Variants in JAG2 observed in about 807,000 individuals in gnomAD.
JAG2 encodes the protein protein jagged-2.
Under a neutral mutation model 141.7 loss-of-function variants are expected in JAG2, and 46 were observed. The ratio of observed to expected loss-of-function variants is 0.32; its 90% CI spans 0.26 to 0.42. JAG2 has a LOEUF of 0.42. JAG2 is among the 10% of genes least tolerant of loss of function. The pLI is 1.00. For missense variants in JAG2, 1,500 were observed against 1,817.5 expected, an observed-to-expected ratio of 0.83 and a Z score of 3.18; for synonymous variants, 862 against 763.5, an observed-to-expected ratio of 1.13 and a Z score of -2.13.
chr14:105,166,769 G>A (rs1341251016), intron 2 of JAG2, among the ~76,000 whole-genome samples: 1 of 152,198 alleles, frequency 6.6e-6, no homozygotes, highest in African/African-American at 2.4e-5. Flanking sequence ...ACACTCCGGT[G>A]CCTCCTGCTG....
chr14:105,146,664 T>C lies in JAG2; in HGVS notation c.2540A>G (p.Asn847Ser), dbSNP rs1888235061. Residue 847 changes from asparagine to serine, a missense_variant, in exon 21 of 26, where the codon AAC (asparagine) becomes AGC (serine). Coordinates refer to ENST00000331782, the MANE Select transcript of JAG2 (RefSeq NM_002226.5). ...GGGTGGGCAGCTACAGCGATACCCG[T>C]TGATCTCATCCACACACGTGGCCCC... is the stretch of plus-strand genomic sequence containing the variant. ...AYGATCVDEI[N>S]GYRCSCPPGR... The C allele has an allele frequency of 1.2e-6, 2 of 1,612,652 alleles. No homozygotes were observed. The highest frequency in any genetic ancestry group is 1.7e-6 in the Non-Finnish European group (2 of 1,179,874).
intron 2 of JAG2, 104 bp from the exon 3 acceptor site, chr14:105,157,867 G>A: frequency 9.3e-7 from 1 of 1,071,846 alleles, no homozygotes; most frequent in South Asian, 1.3e-5. Flanking sequence ...GGGTCTGCCA[G>A]GCTCTGGCCC....
intron 2 of JAG2, 30 bp from the exon 3 acceptor site, chr14:105,157,793 C>A: frequency 6.4e-7 from 1 of 1,550,932 alleles, no homozygotes; most frequent in South Asian, 1.2e-5. Context: ...GGTCAGGTAC[C>A]TGAGGCCACA....
In JAG2 at chr14:105,146,100, C is replaced by T. The variant is rs1888215106; in HGVS notation, c.2710-127G>A. 1.5e-5 allele frequency: 22 copies of T among 1,444,752 alleles called. No homozygotes were observed. In the South Asian group the frequency reaches 2.2e-4, roughly 15 times the overall value. The allele number at this position is 1,444,752 out of a possible 1,614,324, so 89.5% of individuals were successfully genotyped here. ...GAGGGACACCGCCCAAGTCTGTGAG[C>T]CCCAGGGCCCAGCCCACCCCCTACC... On this transcript the variant is annotated intron_variant, in intron 22 of 25. Coordinates refer to ENST00000331782, the MANE Select transcript of JAG2 (RefSeq NM_002226.5).
rs755972228 is a variant in JAG2, at chr14:105,146,641, G to A, written c.2563C>T (p.Pro855Ser). 1.2e-5 allele frequency: 20 copies of A among 1,612,668 alleles called. No individual in the cohort carries two copies. Among genetic ancestry groups the A allele is most frequent in the Admixed American group, 8.3e-5 (5 of 60,026 alleles). ...EINGYRCSCP[P>S]GRAGPRCQEV... ...TGGCACCGGGGGCCGGCTCGGCCGG[G>A]TGGGCAGCTACAGCGATACCCGTTG... Residue 855 changes from proline to serine, a missense_variant, in exon 21 of 26, where the codon CCC (proline) becomes TCC (serine). Around this residue, in one of 3 missense-constraint regions of JAG2, gnomAD observed 875 missense variants for 1,202.2 expected, o/e 0.73. Coordinates refer to ENST00000331782, the MANE Select transcript of JAG2 (RefSeq NM_002226.5).
intron 17 of JAG2, 45 bp downstream of exon 17, chr14:105,148,071 G>T (rs1169851774): frequency 5.5e-6 from 8 of 1,460,392 alleles, no homozygotes; most frequent in Admixed American, 2.0e-5. Context: ...CGGTGCCTGG[G>T]AGGGCATATG....
Position 105,167,865 on chromosome 14 carries a change from G to A in JAG2, c.309C>T (p.Phe103=), listed in dbSNP as rs2141000159. ...GATPVLGGNS[F]YLPPAGAAGD... The stretch of plus-strand genomic sequence containing the variant: ...CCGCAGCGCCCGCCGGCGGCAGGTA[G>A]AAGGAGTTGCCGCCCAGCACGGGCG... Residue 103 remains phenylalanine (F), a synonymous_variant, in exon 2 of 26, where the codon TTC becomes TTT. Coordinates refer to ENST00000331782, the MANE Select transcript of JAG2 (RefSeq NM_002226.5). The surrounding 1 kb of genome is among the most constrained non-coding windows in gnomAD (Gnocchi z 4.8). 1 of 1,560,686 alleles carries A rather than the reference G, an allele frequency of 6.4e-7. No homozygotes were observed. Among genetic ancestry groups the A allele is most frequent in the Non-Finnish European group, 8.6e-7 (1 of 1,161,314 alleles).
In JAG2 at chr14:105,150,893, C is replaced by A. The variant is rs757195573; in HGVS notation, c.1400G>T (p.Gly467Val). The change falls in exon 11 of 26, where the codon GGG (glycine) becomes GTG (valine). Residue 467 changes from glycine (G) to valine (V), a missense_variant. Around this residue, in one of 3 missense-constraint regions of JAG2, gnomAD observed 875 missense variants for 1,202.2 expected, o/e 0.73. Transcript: ENST00000331782. ...GCAGGTGCCCCCATGCTGACACTGC[C>A]CGCGACAGTCGTTGACGTCTGGGGG... ...NCHINVNDCRGQCQHGGTCKD... is the reference protein window; with the variant it reads ...NCHINVNDCRVQCQHGGTCKD... 2 of 1,590,978 alleles carry A rather than the reference C, an allele frequency of 1.3e-6. No homozygotes were observed. The highest frequency in any genetic ancestry group is 1.7e-6 in the Non-Finnish European group (2 of 1,169,368).
In JAG2 at chr14:105,150,540, G is replaced by A. The variant is rs1595178074; in HGVS notation, c.1602+64C>T. 4.1e-6 allele frequency: 6 copies of A among 1,470,136 alleles called. 1 individual carries two copies. The African/African-American group carries it at 7.0e-5, about 17-fold the overall frequency. 91.1% of individuals were successfully genotyped at this position (1,470,136 alleles called of 1,614,324 possible). A position where few individuals can be genotyped will look rare whatever the true frequency, so the allele number is the denominator to read the frequency against. ...GGGTCACTCAGGCCCCATGGTCAGG[G>A]GACGAGGCCTGCCCTACAGCTCCCA... is the stretch of plus-strand genomic sequence containing the variant. On this transcript the variant is annotated intron_variant, in intron 12 of 25. Transcript: ENST00000331782.
Position 105,148,821 on chromosome 14 carries a change from C to A in JAG2, c.1944G>T (p.Gly648=). ...CGTCCACCTCATCGATGCATGTGCC[C>A]CCATTGCGGCAGGGCTGGCCCAGGC... ...DDCLGQPCRN[G]GTCIDEVDAF... The change falls in exon 15 of 26, where the codon GGG becomes GGT. Residue 648 remains glycine, a synonymous_variant. Transcript: ENST00000331782. The A allele has an allele frequency of 6.3e-7, 1 of 1,598,568 alleles. No homozygotes were observed.
At chr14:105,158,985 C>T (rs1220863693) in intron 2 of JAG2, among the ~76,000 whole-genome samples, 1 of 151,996 alleles carries the variant, frequency 6.6e-6, no homozygotes, top group African/African-American at 2.4e-5. Flanking sequence ...GCCCACCCCA[C>T]GCACGTCCCA....
chr14:105,142,851 C>T lies in JAG2; in HGVS notation c.3561G>A (p.Glu1187=). Residue 1187 remains glutamate, a synonymous_variant, in exon 26 of 26, where the codon GAG becomes GAA. Coordinates refer to ENST00000331782, the MANE Select transcript of JAG2 (RefSeq NM_002226.5). ...DEEDEDLGRG[E]EDSLEAEKFL... ...ACTTCTCCGCCTCCAGGGAGTCCTC[C>T]TCACCGCGGCCCAGATCCTCGTCCT... The T allele has an allele frequency of 6.2e-7, 1 of 1,608,916 alleles. No homozygotes were observed. Among genetic ancestry groups the T allele is most frequent in the Non-Finnish European group, 8.5e-7 (1 of 1,178,150 alleles).
chr14:105,145,208 G>A (rs1888187377), intron 23 of JAG2, 147 bp from the exon 24 acceptor site: 3 of 1,126,654 alleles, frequency 2.7e-6, no homozygotes, highest in African/African-American at 3.0e-5. Flanking sequence ...TGGGGGGGCA[G>A]CTTCCCACCC....
At position 105,154,366 on chromosome 14, in the gene JAG2, T is replaced by C. The variant is rs1465915094; in HGVS notation, c.788+1196A>G. ...CTCTCCACCCGCTCGCGCCCCTCTC[T>C]CGGGCTCCCCAGCTTGCTCACGCAC... On this transcript the variant is annotated intron_variant, in intron 5 of 25. Transcript: ENST00000331782. The surrounding 1 kb of genome is among the most constrained non-coding windows in gnomAD (Gnocchi z 4.4). Among the ~76,000 whole-genome samples, 1 of 151,980 alleles carries C rather than the reference T, an allele frequency of 6.6e-6. No individual in the cohort carries two copies. Among genetic ancestry groups the C allele is most frequent in the Non-Finnish European group, 1.5e-5 (1 of 67,978 alleles).
intron 24 of JAG2, 78 bp from the exon 25 acceptor site, chr14:105,143,716 T>G: frequency 1.3e-6 from 2 of 1,552,286 alleles, no homozygotes; most frequent in Non-Finnish European, 1.7e-6. Flanking sequence ...ACTGAGGCCC[T>G]GGCCACACTG....
In JAG2 at chr14:105,168,383, AGCC is replaced by A. The variant is rs1391339571; in HGVS notation, c.35_37del (p.Arg12del). 9.8e-7 allele frequency: 1 copy of A among 1,019,310 alleles called. No homozygotes were observed. 63.1% of individuals were successfully genotyped at this position (1,019,310 alleles called of 1,614,324 possible). ...CACCCAGAGCGCCAGCAGCAGCAGC[AGCC>A]GCCGGGGAAGGCGCCCCCGGCCCTG... On this transcript the variant is annotated inframe_deletion, in exon 1 of 26. Coordinates refer to ENST00000331782, the MANE Select transcript of JAG2 (RefSeq NM_002226.5).
At chr14:105,155,508 G>A (rs951533268) in intron 5 of JAG2, 54 bp downstream of exon 5, 18 of 1,591,706 alleles carry the variant, frequency 1.1e-5, no homozygotes, top group Non-Finnish European at 1.4e-5. Flanking sequence ...GTGTGCCAGT[G>A]AGGACGTGAG....
rs150988866 is a variant in JAG2 at position 105,151,681 on chromosome 14, C to A, written c.1098G>T (p.Pro366=). The part of the protein sequence containing the change: ...CANGGSCHEV[P]SGFECHCPSG... ...ATGGGCAGTGGCATTCGAAGCCGGACGGCACCTCATGGCAAGAGCCCCCGT... is the reference window on the plus strand; with the variant it reads ...ATGGGCAGTGGCATTCGAAGCCGGAAGGCACCTCATGGCAAGAGCCCCCGT... Residue 366 remains proline (P), a synonymous_variant, in exon 8 of 26, where the codon CCG becomes CCT. Coordinates refer to ENST00000331782, the MANE Select transcript of JAG2 (RefSeq NM_002226.5). 4.3e-6 allele frequency: 7 copies of A among 1,611,360 alleles called. No individual in the cohort carries two copies. The highest frequency in any genetic ancestry group is 1.3e-5 in the African/African-American group (1 of 74,922).
In JAG2 at chr14:105,154,801, C is replaced by T. The variant is rs1405651857; in HGVS notation, c.788+761G>A. 6.6e-6 allele frequency among the ~76,000 whole-genome samples: 1 copy of T among 152,104 alleles called. No homozygotes were observed. Among genetic ancestry groups the T allele is most frequent in the Non-Finnish European group, 1.5e-5 (1 of 68,000 alleles). On this transcript the variant is annotated intron_variant, in intron 5 of 25. Coordinates refer to ENST00000331782, the MANE Select transcript of JAG2 (RefSeq NM_002226.5). This position sits in a 1 kb window ranked among gnomAD's most constrained non-coding sequence, Gnocchi z 4.4. ...TCGCCTCTCCACATCCAGCTAACCCCGGCCCCGCCTGCTCCTCTGTGGCAT... is the reference window on the plus strand; with the variant it reads ...TCGCCTCTCCACATCCAGCTAACCCTGGCCCCGCCTGCTCCTCTGTGGCAT...
Sources: allele counts gnomAD v4.1 joint callset (sites outside exome capture counted in the v4.1 genomes callset), GRCh38; gene constraint gnomAD v4.1.1; regional missense constraint gnomAD v4.1.1; non-coding constraint Gnocchi (gnomAD v3.1); transcripts MANE v1.5; gene names NCBI Gene and HGNC (gene_info 2026-07-23, HGNC 2026-07-21).